NSUN3: variants seen among roughly 807,000 people sequenced by gnomAD.
NSUN3 encodes NOP2/Sun RNA methyltransferase 3.
Under a neutral mutation model 36.8 loss-of-function variants are expected in NSUN3, and 24 were observed. The observed-to-expected ratio is 0.65, with a 90% CI of 0.47 to 0.92. NSUN3 has a LOEUF of 0.92. NSUN3 is among the 40% of genes least tolerant of loss of function. The pLI, the probability that NSUN3 is intolerant of heterozygous loss-of-function variation, is 0.00. For synonymous variants in NSUN3, 146 were observed against 145.2 expected, an observed-to-expected ratio of 1.01 and a Z score of -0.04; for missense variants, 381 against 392.8, an observed-to-expected ratio of 0.97 and a Z score of 0.25.
chr3:94,125,921 A>G (rs544914664), intron 5 of NSUN3, among the ~76,000 whole-genome samples: 1 of 152,044 alleles, frequency 6.6e-6, no homozygotes, highest in Non-Finnish European at 1.5e-5. Flanking sequence ...TTAGCTGGGC[A>G]TGGTGGAGGC....
At chr3:94,087,427 G>A (rs555418559) in intron 3 of NSUN3, among the ~76,000 whole-genome samples, 11 of 152,156 alleles carry the variant, frequency 7.2e-5, no homozygotes, top group Admixed American at 3.3e-4. Flanking sequence ...AAAAAAAAGA[G>A]TCTACTTTCT....
At chr3:94,068,785 T>TACAC (rs10582127) in intron 2 of NSUN3, among the ~76,000 whole-genome samples, 13 of 145,890 alleles carry the variant, frequency 8.9e-5, no homozygotes, top group Admixed American at 6.8e-5. Flanking sequence ...GAAAAAAAAA[T>TACAC]ACACACACAC....
intron 3 of NSUN3, among the ~76,000 whole-genome samples, chr3:94,088,906 C>T (rs1209115226): frequency 3.3e-5 from 5 of 151,892 alleles, no homozygotes; most frequent in African/African-American, 4.8e-5. Flanking sequence ...TGACCTCAGG[C>T]GATCCACCGG....
rs2077496960 is a variant in NSUN3 at position 94,128,527 on chromosome 3, T to G, written c.*2037T>G. ...ACTTGGTATGCTATTGAATTTACTT[T>G]CCTATGATTACTGAAAAATGGATGC... On this transcript the variant is annotated 3_prime_UTR_variant, in exon 6 of 6. Transcript: ENST00000314622. The G allele has an allele frequency of 1.3e-5, 2 of 150,750 alleles. No individual in the cohort carries two copies. Among genetic ancestry groups the G allele is most frequent in the Admixed American group, 1.3e-4 (2 of 15,078 alleles). 9.3% of individuals were successfully genotyped at this position (150,750 alleles called of 1,614,324 possible).
At chr3:94,110,985 C>T (rs572407711) in intron 5 of NSUN3, among the ~76,000 whole-genome samples, 1 of 152,188 alleles carries the variant, frequency 6.6e-6, no homozygotes, top group South Asian at 2.1e-4. Context: ...ATTACCTGGA[C>T]AACCTTGGGA....
At chr3:94,100,790 G>A (rs1560037202) in intron 5 of NSUN3, among the ~76,000 whole-genome samples, 1 of 152,026 alleles carries the variant, frequency 6.6e-6, no homozygotes. Context: ...CTTTATGACT[G>A]CGTGAAGGCA....
chr3:94,100,756 A>T (rs1359601829), intron 5 of NSUN3, among the ~76,000 whole-genome samples: 1 of 152,138 alleles, frequency 6.6e-6, no homozygotes, highest in African/African-American at 2.4e-5. Flanking sequence ...ATTATTTTTC[A>T]GTTTTTAAAA....
intron 5 of NSUN3, among the ~76,000 whole-genome samples, chr3:94,113,976 C>T (rs1485861890): frequency 2.0e-5 from 3 of 152,178 alleles, no homozygotes; most frequent in Non-Finnish European, 4.4e-5. Flanking sequence ...CTTTCATTCA[C>T]CTCATCATAA....
rs1213190647 is a variant in NSUN3, at chr3:94,129,297, A to G, written c.*2807A>G. 6.6e-6 allele frequency among the ~76,000 whole-genome samples: 1 copy of G among 152,254 alleles called. No individual in the cohort carries two copies. On this transcript the variant is annotated 3_prime_UTR_variant, in exon 6 of 6. Transcript: ENST00000314622. The stretch of plus-strand genomic sequence containing the variant: ...ATTGAATAAAGGAAATGTGGTACAT[A>G]TACCTCGTGTAATATTACACAGTGA...
intron 5 of NSUN3, among the ~76,000 whole-genome samples, chr3:94,102,232 C>G (rs1393414449): frequency 3.3e-5 from 4 of 122,872 alleles, no homozygotes; most frequent in Non-Finnish European, 6.7e-5. Context: ...AAAACACTAA[C>G]ATCTATTCTC....
chr3:94,099,804 G>GAAA (rs34896138), intron 5 of NSUN3, among the ~76,000 whole-genome samples: 15 of 141,834 alleles, frequency 1.1e-4, no homozygotes, highest in Non-Finnish European at 1.5e-4. Context: ...TTCAAAAAAT[G>GAAA]AAAAAAAAAA....
chr3:94,103,244 G>A (rs2077373110), intron 5 of NSUN3, among the ~76,000 whole-genome samples: 1 of 151,984 alleles, frequency 6.6e-6, no homozygotes, highest in African/African-American at 2.4e-5. Flanking sequence ...TTAAAATATG[G>A]AAATGATTCT....
chr3:94,101,010 A>G (rs564673427), intron 5 of NSUN3, among the ~76,000 whole-genome samples: 1 of 151,810 alleles, frequency 6.6e-6, no homozygotes, highest in Admixed American at 6.6e-5. Context: ...TATTTTAGAG[A>G]GAGGGTCTTG....
At chr3:94,090,788 G>C (rs949208531) in intron 3 of NSUN3, among the ~76,000 whole-genome samples, 1 of 152,092 alleles carries the variant, frequency 6.6e-6, no homozygotes, top group African/African-American at 2.4e-5. Context: ...TTTGACCTAA[G>C]AACATTTTCT....
intron 5 of NSUN3, among the ~76,000 whole-genome samples, chr3:94,100,424 G>C (rs1289574004): frequency 1.3e-5 from 2 of 152,160 alleles, no homozygotes; most frequent in African/African-American, 4.8e-5. Context: ...GAATCTAAGA[G>C]TTGATCTCAT....
At chr3:94,068,117 C>T (rs1057298633) in intron 2 of NSUN3, among the ~76,000 whole-genome samples, 1 of 152,094 alleles carries the variant, frequency 6.6e-6, no homozygotes, top group Non-Finnish European at 1.5e-5. Context: ...GTTAATATCT[C>T]TGTGCTCCAT....
intron 2 of NSUN3, among the ~76,000 whole-genome samples, chr3:94,065,459 A>G (rs1413894335): frequency 2.0e-5 from 3 of 152,164 alleles, no homozygotes; most frequent in South Asian, 2.1e-4. Context: ...TTGCATGAGG[A>G]AAAAAAGTTG....
At position 94,126,695 on chromosome 3, in the gene NSUN3, G is replaced by A; in HGVS notation, c.*205G>A. The stretch of plus-strand genomic sequence containing the variant: ...AAATATATCTGTAACAATGATTTAA[G>A]GTGGTGCAGATGGTGTTTGTTCTAT... On this transcript the variant is annotated 3_prime_UTR_variant, in exon 6 of 6. Transcript: ENST00000314622. 3 of 514,246 alleles carry A rather than the reference G, an allele frequency of 5.8e-6. No individual in the cohort carries two copies. Among genetic ancestry groups the A allele is most frequent in the Non-Finnish European group, 1.0e-5 (3 of 291,710 alleles). 31.9% of individuals were successfully genotyped at this position (514,246 alleles called of 1,614,324 possible).
rs2077283755 is a variant in NSUN3 at position 94,084,370 on chromosome 3, T to A, written c.386T>A (p.Leu129Ter). 6.2e-7 allele frequency: 1 copy of A among 1,614,022 alleles called. No individual in the cohort carries two copies. Among genetic ancestry groups the A allele is most frequent in the African/African-American group, 1.3e-5 (1 of 74,930 alleles). Residue 129 changes from leucine to a stop codon, truncating the protein, a stop_gained, in exon 3 of 6, where the codon TTA (leucine) becomes TAA (stop). Transcript: ENST00000314622. LOFTEE classifies it high-confidence loss of function. Reference sequence around the variant, plus strand: ...CTTCTCCCAGTGTTGGCTCTGGAATTAAGGGATGGGGAGAAGGTTCTGGAT... The same window carrying A: ...CTTCTCCCAGTGTTGGCTCTGGAATAAAGGGATGGGGAGAAGGTTCTGGAT... ...ASLLPVLALE[L>*]RDGEKVLDLC... is the part of the protein sequence containing the mutation.
Sources: allele counts gnomAD v4.1 joint callset (sites outside exome capture counted in the v4.1 genomes callset), GRCh38; gene constraint gnomAD v4.1.1; transcripts MANE v1.5; gene names NCBI Gene and HGNC (gene_info 2026-07-23, HGNC 2026-07-21).